EP400: variants seen among roughly 807,000 people sequenced by gnomAD.
EP400 encodes the protein E1A-binding protein p400.
A neutral mutation model predicts 354.1 loss-of-function variants in EP400; 105 were observed. The observed-to-expected ratio is 0.30, with a 90% CI of 0.25 to 0.35. The LOEUF (loss-of-function observed/expected upper bound fraction) is 0.35, where lower values mean the gene tolerates loss of function less well. Ranked by LOEUF, EP400 falls within the 10% of genes least tolerant of loss-of-function variation. The pLI is 1.00. For missense variants in EP400, 3,280 were observed against 4,121.0 expected (o/e 0.80, Z 5.59); for synonymous variants, 1,646 against 1,716.9 (o/e 0.96, Z 1.02).
chr12:131,986,109 C>T (rs893953438), intron 5 of EP400, among the ~76,000 whole-genome samples: 16 of 151,808 alleles, frequency 1.1e-4, no homozygotes, highest in African/African-American at 2.9e-4. Flanking sequence ...CATGTAGCTG[C>T]GACCAAAGGT....
At position 131,983,971 on chromosome 12, in the gene EP400, G is replaced by A. The variant is rs573600120; in HGVS notation, c.1929+1493G>A. ...GGCTGGAGTGCAGTGGCCCGATCTC[G>A]GCTCACCACAACCTCTGCCTCCTGG... On this transcript the variant is annotated intron_variant, in intron 5 of 52. Coordinates refer to ENST00000389561, the MANE Select transcript of EP400 (RefSeq NM_015409.5). 2.6e-5 allele frequency among the ~76,000 whole-genome samples: 4 copies of A among 151,796 alleles called. No homozygotes were observed. In the South Asian group the frequency reaches 6.2e-4, roughly 24 times the overall value.
At chr12:131,999,098 A>G (rs1893320439) in intron 12 of EP400, among the ~76,000 whole-genome samples, 1 of 151,978 alleles carries the variant, frequency 6.6e-6, no homozygotes, top group Non-Finnish European at 1.5e-5. Context: ...CACTTTCAGT[A>G]GAAAGGCAGA....
In EP400 at chr12:132,052,448, G is replaced by C. The variant is rs2136589960; in HGVS notation, c.7395-698G>C. On this transcript the variant is annotated intron_variant, in intron 41 of 52. Coordinates refer to ENST00000389561, the MANE Select transcript of EP400 (RefSeq NM_015409.5). The surrounding 1 kb of genome is among the most constrained non-coding windows in gnomAD (Gnocchi z 4.4). ...TTGGTGCTCCCTGAGTGTGCTGGCA[G>C]CCGCGCCCCAGCCCTTCACTTAACT... 6.6e-6 allele frequency among the ~76,000 whole-genome samples: 1 copy of C among 152,378 alleles called. No individual in the cohort carries two copies. The highest frequency in any genetic ancestry group is 2.4e-5 in the African/African-American group (1 of 41,596).
chr12:131,962,768 G>A (rs1158706856), intron 2 of EP400, among the ~76,000 whole-genome samples: 1 of 152,194 alleles, frequency 6.6e-6, no homozygotes, highest in East Asian at 1.9e-4. Flanking sequence ...GTGACACACT[G>A]TATTTTGTGC....
In EP400 at chr12:132,018,142, C is replaced by A; in HGVS notation, c.4111-68C>A. The A allele has an allele frequency of 4.4e-6, 7 of 1,586,572 alleles. No homozygotes were observed. Among genetic ancestry groups the A allele is most frequent in the Non-Finnish European group, 6.0e-6 (7 of 1,169,706 alleles). ...CACGTTAGGGCCCTGCCATAGAAAT[C>A]AGTTTTGATTCTTAGGTGCTTTTTT... On this transcript the variant is annotated intron_variant, in intron 20 of 52. Coordinates refer to ENST00000389561, the MANE Select transcript of EP400 (RefSeq NM_015409.5). This position sits in a 1 kb window ranked among gnomAD's most constrained non-coding sequence, Gnocchi z 4.0.
rs201659660 is a variant in EP400, at chr12:131,994,906, A to G, written c.2777A>G (p.Asn926Ser). Reference protein sequence around the residue: ...EEETIEEEEANEGVVDHQTEL... With the variant: ...EEETIEEEEASEGVVDHQTEL... ...GAAACAATTGAAGAGGAGGAAGCAA[A>G]TGAAGGCGTTGTGGACCACCAAACA... The change falls in exon 12 of 53, where the codon AAT becomes AGT. Residue 926 changes from asparagine to serine, a missense_variant. Physicochemically the swap from Asn to Ser is conservative, Grantham distance 46. Around this residue, in one of 20 missense-constraint regions of EP400, gnomAD observed 800 missense variants for 840.0 expected, o/e 0.95. Coordinates refer to ENST00000389561, the MANE Select transcript of EP400 (RefSeq NM_015409.5). The surrounding 1 kb of genome is among the most constrained non-coding windows in gnomAD (Gnocchi z 4.6). 16 of 1,614,158 alleles carry G rather than the reference A, an allele frequency of 9.9e-6. No homozygotes were observed. In the Admixed American group the frequency reaches 1.5e-4, roughly 15 times the overall value.
Position 132,052,397 on chromosome 12 carries a change from G to C in EP400, c.7395-749G>C, listed in dbSNP as rs1895325048. Among the ~76,000 whole-genome samples, 2 of 152,366 alleles carry C rather than the reference G, an allele frequency of 1.3e-5. No homozygotes were observed. Among genetic ancestry groups the C allele is most frequent in the Non-Finnish European group, 2.9e-5 (2 of 68,036 alleles). On this transcript the variant is annotated intron_variant, in intron 41 of 52. Transcript: ENST00000389561. The surrounding 1 kb of genome is among the most constrained non-coding windows in gnomAD (Gnocchi z 4.4). ...GGACTCCCTACTGCCCACGCTCTGA[G>C]TCGCCTGGCCCTGGCTTTCAGCCCC...
rs537315873 is a variant in EP400, at chr12:132,078,387, A to G, written c.*714A>G. On this transcript the variant is annotated 3_prime_UTR_variant, in exon 53 of 53. Coordinates refer to ENST00000389561, the MANE Select transcript of EP400 (RefSeq NM_015409.5). ...TGGCCTCCCCCAGGCCCTACCCTGC[A>G]ATGGGATTCGCTTTCATTTAATGGA... 11 of 152,482 alleles carry G rather than the reference A, an allele frequency of 7.2e-5. No homozygotes were observed. The highest frequency in any genetic ancestry group is 5.9e-4 in the Admixed American group (9 of 15,308). 9.4% of individuals were successfully genotyped at this position (152,482 alleles called of 1,614,324 possible).
chr12:132,058,739 G>T (rs951640751), intron 45 of EP400, among the ~76,000 whole-genome samples: 2 of 151,930 alleles, frequency 1.3e-5, no homozygotes, highest in Non-Finnish European at 2.9e-5. Flanking sequence ...GTGCTCCTAC[G>T]TATGTAGAAT....
chr12:132,065,851 C>G (rs1461514733), intron 48 of EP400: 1 of 152,226 alleles, frequency 6.6e-6, no homozygotes, highest in African/African-American at 2.4e-5. Context: ...GTACCGGGTT[C>G]TTGTTGGACA....
At chr12:131,974,596 C>T (rs1306237116) in intron 2 of EP400, among the ~76,000 whole-genome samples, 4 of 152,106 alleles carry the variant, frequency 2.6e-5, no homozygotes, top group Non-Finnish European at 4.4e-5. Context: ...TTGGTATTGT[C>T]TCTCCTAAAT....
chr12:132,001,780 AT>A (rs1159404042), intron 12 of EP400, among the ~76,000 whole-genome samples: 2 of 152,112 alleles, frequency 1.3e-5, no homozygotes, highest in African/African-American at 4.8e-5. Flanking sequence ...ACTCCTCACT[AT>A]GTCTCCTCAG....
rs547034064 is a variant in EP400, at chr12:132,059,651, C to T, written c.7885-2459C>T. Among the ~76,000 whole-genome samples the T allele has an allele frequency of 9.2e-5, 14 of 152,168 alleles. No homozygotes were observed. The South Asian group carries it at 1.7e-3, about 18-fold the overall frequency. ...AGAAGGCATTATGAGTGAGAATCAGCGGAATGACAGACACTGGATAGGCCT... is the reference window on the plus strand; with the variant it reads ...AGAAGGCATTATGAGTGAGAATCAGTGGAATGACAGACACTGGATAGGCCT... On this transcript the variant is annotated intron_variant, in intron 45 of 52. Coordinates refer to ENST00000389561, the MANE Select transcript of EP400 (RefSeq NM_015409.5).
intron 15 of EP400, among the ~76,000 whole-genome samples, chr12:132,010,090 T>A (rs1893716246): frequency 6.6e-6 from 1 of 150,664 alleles, no homozygotes; most frequent in Non-Finnish European, 1.5e-5. Context: ...TGTGTCTTTT[T>A]TTTTTTTTTT....
At chr12:132,009,830 A>ATTTTTTTTTT (rs35513772) in intron 15 of EP400, among the ~76,000 whole-genome samples, 2 of 79,722 alleles carry the variant, frequency 2.5e-5, no homozygotes, top group Non-Finnish European at 4.5e-5. Flanking sequence ...CGCCTGGCTA[A>ATTTTTTTTTT]TTTTTTTTTT....
intron 15 of EP400, among the ~76,000 whole-genome samples, chr12:132,007,586 A>T (rs1362178586): frequency 6.6e-6 from 1 of 152,186 alleles, no homozygotes; most frequent in Non-Finnish European, 1.5e-5. Flanking sequence ...GCCTAGCTGC[A>T]GAGGAAGGTG....
At chr12:131,976,850 G>T (rs1892493637) in intron 2 of EP400, among the ~76,000 whole-genome samples, 1 of 152,192 alleles carries the variant, frequency 6.6e-6, no homozygotes, top group Admixed American at 6.5e-5. Flanking sequence ...GGTTTAGGTG[G>T]AGGTTAGGGA....
intron 51 of EP400, among the ~76,000 whole-genome samples, chr12:132,069,986 A>G (rs1006887906): frequency 6.6e-6 from 1 of 151,656 alleles, no homozygotes; most frequent in African/African-American, 2.4e-5. Context: ...ATATTTTTTG[A>G]TATTTCTTGT....
chr12:132,063,331 G>C (rs1001349756), intron 47 of EP400, among the ~76,000 whole-genome samples: 25 of 152,192 alleles, frequency 1.6e-4, no homozygotes, highest in African/African-American at 5.8e-4. Context: ...TGGTCAACAT[G>C]GCAAATCCCC....
Sources: gnomAD v4.1 joint callset for allele counts (sites outside exome capture counted in the v4.1 genomes callset) on GRCh38, gnomAD v4.1.1 for gene constraint, gnomAD v4.1.1 regional missense constraint, Gnocchi (gnomAD v3.1) non-coding constraint, MANE v1.5 for transcripts, NCBI Gene and HGNC (gene_info 2026-07-23, HGNC 2026-07-21) for gene names.